Variants in PHF21B observed in about 807,000 individuals in gnomAD.
PHF21B encodes PHD finger protein 4.
In PHF21B, 22 loss-of-function variants were observed where a neutral mutation model predicts 62.2. The ratio of observed to expected loss-of-function variants is 0.35; its 90% CI spans 0.25 to 0.51. PHF21B has a LOEUF of 0.51. PHF21B is among the 20% of genes least tolerant of loss of function. The pLI, the probability that PHF21B is intolerant of heterozygous loss-of-function variation, is 0.97. For synonymous variants in PHF21B, 341 were observed against 314.7 expected, an observed-to-expected ratio of 1.08 and a Z score of -0.88; for missense variants, 701 against 707.9, an observed-to-expected ratio of 0.99 and a Z score of 0.11.
intron 2 of PHF21B, among the ~76,000 whole-genome samples, chr22:44,929,130 G>A (rs1285877434): frequency 6.6e-6 from 1 of 152,260 alleles, no homozygotes; most frequent in Non-Finnish European, 1.5e-5. Context: ...CTGCTGTGAT[G>A]TGTGGCAAAG....
chr22:44,901,050 T>A (rs191782870), intron 5 of PHF21B, among the ~76,000 whole-genome samples: 1 of 152,378 alleles, frequency 6.6e-6, no homozygotes, highest in Admixed American at 6.5e-5. Context: ...CTGTGAGATG[T>A]GCACTCACAT....
In PHF21B at chr22:44,896,880, G is replaced by GTTTTTTTTTTTTTTTT. The variant is rs56878868; in HGVS notation, c.832-813_832-798dup. Among the ~76,000 whole-genome samples, 26 of 84,040 alleles carry GTTTTTTTTTTTTTTTT rather than the reference G, an allele frequency of 3.1e-4. 3 individuals are homozygous for GTTTTTTTTTTTTTTTT. The highest frequency in any genetic ancestry group is 8.3e-4 in the African/African-American group (20 of 24,240). The allele number at this position is 84,040 out of a possible 152,430, so 55.1% of individuals were successfully genotyped here. ...AACAGGGTGGCACTTAGTTTTATCT[G>GTTTTTTTTTTTTTTTT]TTTTTTTTTTTTTTTTGAGACAGGT... On this transcript the variant is annotated intron_variant, in intron 5 of 12. Transcript: ENST00000313237.
intron 2 of PHF21B, among the ~76,000 whole-genome samples, chr22:44,928,417 A>G (rs2071674959): frequency 2.0e-5 from 3 of 152,060 alleles, no homozygotes. Flanking sequence ...CCATGAAAGG[A>G]ACTTTTTTTT....
intron 3 of PHF21B, among the ~76,000 whole-genome samples, chr22:44,918,608 T>G (rs2147308798): frequency 6.6e-6 from 1 of 152,314 alleles, no homozygotes; most frequent in Admixed American, 6.5e-5. Flanking sequence ...CTGCCTACTC[T>G]GTTGCCCGTG....
intron 2 of PHF21B, chr22:44,989,028 C>T (rs1457485399): frequency 1.3e-5 from 2 of 152,080 alleles, no homozygotes; most frequent in African/African-American, 4.8e-5. Context: ...TAATCACCTC[C>T]CAAGGCCCCA....
intron 2 of PHF21B, among the ~76,000 whole-genome samples, chr22:44,931,640 T>TGGGG (rs136690): frequency 1.8e-5 from 1 of 54,674 alleles, no homozygotes; most frequent in African/African-American, 4.7e-5. Context: ...GTTGTGATCT[T>TGGGG]GGGGGGGGGG....
Position 44,965,076 on chromosome 22 carries a change from T to C in PHF21B, c.120+43469A>G, listed in dbSNP as rs1046123113. On this transcript the variant is annotated intron_variant, in intron 2 of 12. Coordinates refer to ENST00000313237, the MANE Select transcript of PHF21B (RefSeq NM_138415.5). ...GGGGCTCCCAACAGGGTGCCTGCAA[T>C]GTGGCGTGAACACCGCAGCCACTCT... 3.3e-5 allele frequency among the ~76,000 whole-genome samples: 5 copies of C among 152,140 alleles called. No homozygotes were observed. In the East Asian group the frequency reaches 9.6e-4, roughly 29 times the overall value.
intron 5 of PHF21B, among the ~76,000 whole-genome samples, chr22:44,912,747 G>C (rs1179830435): frequency 6.6e-6 from 1 of 151,904 alleles, no homozygotes; most frequent in Non-Finnish European, 1.5e-5. Flanking sequence ...TAGTGGTAGT[G>C]CACACCTTGT....
At position 44,961,059 on chromosome 22, in the gene PHF21B, C is replaced by A. The variant is rs568798345; in HGVS notation, c.121-40569G>T. Among the ~76,000 whole-genome samples the A allele has an allele frequency of 1.1e-4, 17 of 148,396 alleles. No homozygotes were observed. The East Asian group carries it at 2.9e-3, about 25-fold the overall frequency. The stretch of plus-strand genomic sequence containing the variant: ...GCAACTTCTGACTCCCTGGTTCAAG[C>A]GATTCTCATGCCTCAGCCTCCCGAG... On this transcript the variant is annotated intron_variant, in intron 2 of 12. Coordinates refer to ENST00000313237, the MANE Select transcript of PHF21B (RefSeq NM_138415.5).
intron 5 of PHF21B, among the ~76,000 whole-genome samples, chr22:44,896,880 G>GTATTTTTTT (rs1555933164): frequency 2.9e-4 from 24 of 84,044 alleles, no homozygotes; most frequent in African/African-American, 8.3e-4. Flanking sequence ...AGTTTTATCT[G>GTATTTTTTT]TTTTTTTTTT....
intron 2 of PHF21B, among the ~76,000 whole-genome samples, chr22:44,999,403 A>C (rs969913457): frequency 6.6e-6 from 1 of 152,032 alleles, no homozygotes; most frequent in African/African-American, 2.4e-5. Context: ...TCCTCTCCAC[A>C]ACCCCGCAAT....
rs2070789784 is a variant in PHF21B, at chr22:44,884,063, C to T, written c.1378-759G>A. ...TCAGCACCACCACCACCATCACCAC[C>T]ACCATGATCACCATTATCACCACCG... On this transcript the variant is annotated intron_variant, in intron 12 of 12. Coordinates refer to ENST00000313237, the MANE Select transcript of PHF21B (RefSeq NM_138415.5). Among the ~76,000 whole-genome samples the T allele has an allele frequency of 5.3e-5, 8 of 150,896 alleles. 2 individuals carry two copies. Among genetic ancestry groups the T allele is most frequent in the South Asian group, 2.1e-4 (1 of 4,732 alleles).
At chr22:44,954,410 C>T (rs2072253807) in intron 2 of PHF21B, among the ~76,000 whole-genome samples, 1 of 152,182 alleles carries the variant, frequency 6.6e-6, no homozygotes, top group African/African-American at 2.4e-5. Flanking sequence ...CTACCTGGTG[C>T]CCAATGCCAC....
intron 2 of PHF21B, among the ~76,000 whole-genome samples, chr22:44,922,850 C>T (rs924883603): frequency 6.6e-6 from 1 of 152,112 alleles, no homozygotes; most frequent in South Asian, 2.1e-4. Flanking sequence ...ATACCGTAAC[C>T]ATGAATCAGA....
intron 2 of PHF21B, among the ~76,000 whole-genome samples, chr22:44,973,577 G>C (rs1010024861): frequency 2.0e-5 from 3 of 152,180 alleles, no homozygotes; most frequent in Admixed American, 2.0e-4. Flanking sequence ...GGGGCTCAGC[G>C]TGGGGTGGGG....
chr22:44,914,000 GGGGA>G lies in PHF21B; in HGVS notation c.649_652del (p.Ser217HisfsTer66). 2 of 1,546,614 alleles carry G rather than the reference GGGGA, an allele frequency of 1.3e-6. No homozygotes were observed. The highest frequency in any genetic ancestry group is 1.8e-6 in the Non-Finnish European group (2 of 1,120,444). ...ATGGAGGGGTGAAGGGGACAGTGAT[GGGGA>G]GGGAGGGGTGAGGGGAAGAGAGGAG... On this transcript the variant is annotated frameshift_variant, in exon 5 of 13. Coordinates refer to ENST00000313237, the MANE Select transcript of PHF21B (RefSeq NM_138415.5). LOFTEE classifies it high-confidence loss of function.
At chr22:44,917,715 G>A (rs1262055268) in intron 3 of PHF21B, among the ~76,000 whole-genome samples, 1 of 152,228 alleles carries the variant, frequency 6.6e-6, no homozygotes, top group Non-Finnish European at 1.5e-5. Flanking sequence ...GAAGGGCACA[G>A]AGCGCTGTAC....
chr22:44,929,370 C>T (rs1250965626), intron 2 of PHF21B, among the ~76,000 whole-genome samples: 2 of 152,228 alleles, frequency 1.3e-5, no homozygotes, highest in African/African-American at 4.8e-5. Flanking sequence ...CTCATCCAGA[C>T]ATCCCGCCTT....
At position 44,932,345 on chromosome 22, in the gene PHF21B, G is replaced by T. The variant is rs5765093; in HGVS notation, c.121-11855C>A. ...GGTACTTACTCGTCCCTGTGTCACA[G>T]ACTGCTCACCCACTATCAGAGTGTC... On this transcript the variant is annotated intron_variant, in intron 2 of 12. Coordinates refer to ENST00000313237, the MANE Select transcript of PHF21B (RefSeq NM_138415.5). Among the ~76,000 whole-genome samples, 3,366 of 152,248 alleles carry T rather than the reference G, an allele frequency of 0.022. 379 individuals carry two copies. The East Asian group carries it at 0.34, about 16-fold the overall frequency.
Sources: gnomAD v4.1 joint callset for allele counts (sites outside exome capture counted in the v4.1 genomes callset) on GRCh38, gnomAD v4.1.1 for gene constraint, MANE v1.5 for transcripts, NCBI Gene and HGNC (gene_info 2026-07-23, HGNC 2026-07-21) for gene names.